ACTL8: variants seen among roughly 807,000 people sequenced by gnomAD.
ACTL8 encodes the protein actin like 8.
A neutral mutation model predicts 9.3 loss-of-function variants in ACTL8; 3 were observed. The ratio of observed to expected loss-of-function variants is 0.32; its 90% CI spans 0.15 to 0.83. ACTL8 has a LOEUF of 0.83. Ranked by LOEUF, ACTL8 falls within the 40% of genes least tolerant of loss-of-function variation. The probability of loss-of-function intolerance (pLI) is 0.57; values close to 1 mark genes in which losing one functional copy is unlikely to be tolerated. For synonymous variants in ACTL8, 224 were observed against 205.9 expected (o/e 1.09, Z -0.75); for missense variants, 381 against 492.2 (o/e 0.77, Z 2.14).
Position 17,823,109 on chromosome 1 carries a change from A to G in ACTL8, c.101A>G (p.Asn34Ser), listed in dbSNP as rs928224943. 3.7e-6 allele frequency: 6 copies of G among 1,614,110 alleles called. No individual in the cohort carries two copies. Among genetic ancestry groups the G allele is most frequent in the Non-Finnish European group, 5.1e-6 (6 of 1,180,050 alleles). Reference sequence around the variant, plus strand: ...CAGATGGTCTTCCCGAACATCGTGAACTACCTACCGTGCAAGGAGAACCCT... The same window carrying G: ...CAGATGGTCTTCCCGAACATCGTGAGCTACCTACCGTGCAAGGAGAACCCT... ...EPQMVFPNIV[N>S]YLPCKENPGP... The change falls in exon 2 of 3, where the codon AAC becomes AGC. Residue 34 changes from asparagine (N) to serine (S), a missense_variant. By Grantham distance (46) the Asn-to-Ser change is conservative. Transcript: ENST00000375406. This position sits in a 1 kb window ranked among gnomAD's most constrained non-coding sequence, Gnocchi z 5.3.
At chr1:17,774,320 T>G (rs1226207204) in intron 1 of ACTL8, among the ~76,000 whole-genome samples, 3 of 150,260 alleles carry the variant, frequency 2.0e-5, no homozygotes, top group Admixed American at 6.6e-5. Flanking sequence ...CGCTGGGGGG[T>G]GGGGGCGGGG....
chr1:17,783,315 T>C (rs983261319), intron 1 of ACTL8, among the ~76,000 whole-genome samples: 2 of 151,788 alleles, frequency 1.3e-5, no homozygotes, highest in African/African-American at 4.8e-5. Context: ...TCATGAGATC[T>C]GATGGTTTTA....
chr1:17,781,976 T>C (rs1171218548), intron 1 of ACTL8, among the ~76,000 whole-genome samples: 1 of 152,172 alleles, frequency 6.6e-6, no homozygotes, highest in East Asian at 1.9e-4. Context: ...CAAGAAGATA[T>C]GGCAGAAAGA....
chr1:17,785,503 C>G (rs1225444325), intron 1 of ACTL8, among the ~76,000 whole-genome samples: 1 of 152,212 alleles, frequency 6.6e-6, no homozygotes, highest in African/African-American at 2.4e-5. Flanking sequence ...ATGAAATGAG[C>G]AAATGCAGGT....
intron 1 of ACTL8, among the ~76,000 whole-genome samples, chr1:17,818,306 C>T (rs1196109743): frequency 6.6e-6 from 1 of 152,224 alleles, no homozygotes; most frequent in Non-Finnish European, 1.5e-5. Context: ...CTCTTCCTGG[C>T]CACCACTTTA....
chr1:17,763,542 TC>T (rs1557427166), intron 1 of ACTL8, among the ~76,000 whole-genome samples: 1 of 152,118 alleles, frequency 6.6e-6, no homozygotes, highest in East Asian at 1.9e-4. Flanking sequence ...GTCCCCTGCC[TC>T]CAGCCTGGAA....
chr1:17,763,397 C>T (rs2066021564), intron 1 of ACTL8, among the ~76,000 whole-genome samples: 1 of 152,048 alleles, frequency 6.6e-6, no homozygotes, highest in African/African-American at 2.4e-5. Context: ...GAAAGCCTCC[C>T]CGGAGGTGCT....
chr1:17,766,579 A>G (rs1267543196), intron 1 of ACTL8, among the ~76,000 whole-genome samples: 2 of 152,178 alleles, frequency 1.3e-5, no homozygotes. Context: ...GCACCGTCCT[A>G]ATTGACTTGC....
chr1:17,777,366 G>A (rs545060318), intron 1 of ACTL8, among the ~76,000 whole-genome samples: 1 of 152,162 alleles, frequency 6.6e-6, no homozygotes, highest in Non-Finnish European at 1.5e-5. Context: ...GTGGCACAGC[G>A]CCCCTGAAAT....
intron 1 of ACTL8, among the ~76,000 whole-genome samples, chr1:17,775,253 C>CCAGGGGTCCAGCTGGG (rs533388357): frequency 3.3e-5 from 5 of 152,234 alleles, no homozygotes; most frequent in Admixed American, 3.3e-4. Flanking sequence ...CGTTTGGAGC[C>CCAGGGGTCCAGCTGGG]CAGGGGTCCA....
chr1:17,785,268 G>T (rs1267818251), intron 1 of ACTL8, among the ~76,000 whole-genome samples: 1 of 152,158 alleles, frequency 6.6e-6, no homozygotes, highest in Non-Finnish European at 1.5e-5. Context: ...CTGGAAGTAA[G>T]ACCTGTTCTT....
intron 1 of ACTL8, among the ~76,000 whole-genome samples, chr1:17,804,204 G>A (rs1466729590): frequency 6.6e-6 from 1 of 152,206 alleles, no homozygotes. Flanking sequence ...TCTTCAGGCT[G>A]TAGTGGGAAA....
At chr1:17,778,908 C>T (rs1222661269) in intron 1 of ACTL8, among the ~76,000 whole-genome samples, 1 of 152,006 alleles carries the variant, frequency 6.6e-6, no homozygotes, top group Non-Finnish European at 1.5e-5. Context: ...GTTGAGTGGC[C>T]AGTGTGGGAA....
chr1:17,766,064 A>G (rs974538970), intron 1 of ACTL8, among the ~76,000 whole-genome samples: 3 of 152,176 alleles, frequency 2.0e-5, no homozygotes, highest in African/African-American at 7.2e-5. Flanking sequence ...GTGAGAAGCA[A>G]TGACACCCTG....
chr1:17,817,911 G>A (rs765748595), intron 1 of ACTL8, among the ~76,000 whole-genome samples: 43 of 151,840 alleles, frequency 2.8e-4, no homozygotes, highest in Non-Finnish European at 4.4e-4. Context: ...CATGTTGGCC[G>A]GGCTGGTCTC....
intron 1 of ACTL8, among the ~76,000 whole-genome samples, chr1:17,806,318 G>A (rs550729292): frequency 7.2e-5 from 11 of 152,194 alleles, no homozygotes; most frequent in Non-Finnish European, 1.6e-4. Flanking sequence ...GGTACAATGA[G>A]GTTAAGAAGA....
At chr1:17,825,258 T>TTTTTC (rs145223317) in intron 2 of ACTL8, among the ~76,000 whole-genome samples, 45 of 152,048 alleles carry the variant, frequency 3.0e-4, no homozygotes, top group South Asian at 6.2e-4. Context: ...CTTTTTTTCT[T>TTTTTC]TTTTCTTTTC....
chr1:17,768,935 C>G (rs2066064550), intron 1 of ACTL8, among the ~76,000 whole-genome samples: 1 of 152,136 alleles, frequency 6.6e-6, no homozygotes, highest in African/African-American at 2.4e-5. Flanking sequence ...CATGACATCC[C>G]TCCTATGTGC....
intron 1 of ACTL8, among the ~76,000 whole-genome samples, chr1:17,758,734 AG>A (rs1376982205): frequency 6.6e-6 from 1 of 152,196 alleles, no homozygotes; most frequent in Non-Finnish European, 1.5e-5. Context: ...TGTGATGGTC[AG>A]GGATAGAGTC....
Sources: allele counts gnomAD v4.1 joint callset (sites outside exome capture counted in the v4.1 genomes callset), GRCh38; gene constraint gnomAD v4.1.1; non-coding constraint Gnocchi (gnomAD v3.1); transcripts MANE v1.5; gene names NCBI Gene and HGNC (gene_info 2026-07-23, HGNC 2026-07-21).